Variants in RIMS2 observed in about 807,000 individuals in gnomAD.
The protein encoded by RIMS2 is regulating synaptic membrane exocytosis protein 2.
Under a neutral mutation model 174.4 loss-of-function variants are expected in RIMS2, and 59 were observed. The ratio of observed to expected loss-of-function variants is 0.34; its 90% CI spans 0.27 to 0.42. RIMS2 has a LOEUF of 0.42. Among genes scored for constraint, RIMS2 ranks in the 10% least tolerant of loss-of-function variants. The pLI, the probability that RIMS2 is intolerant of heterozygous loss-of-function variation, is 1.00. For missense variants in RIMS2, 1,620 were observed against 1,666.3 expected (o/e 0.97, Z 0.48); for synonymous variants, 606 against 572.5 (o/e 1.06, Z -0.84).
At chr8:103,774,889 G>A (rs2098296183) in intron 3 of RIMS2, among the ~76,000 whole-genome samples, 1 of 152,078 alleles carries the variant, frequency 6.6e-6, no homozygotes, top group African/African-American at 2.4e-5. Flanking sequence ...TTAACTGCAT[G>A]TAAATTATAT....
intron 2 of RIMS2, among the ~76,000 whole-genome samples, chr8:103,724,437 A>G (rs964610482): frequency 6.6e-6 from 1 of 152,130 alleles, no homozygotes; most frequent in Non-Finnish European, 1.5e-5. Flanking sequence ...TGCTGGAAAT[A>G]TTTCAGGTTT....
chr8:104,082,871 T>C (rs929588286), intron 19 of RIMS2, among the ~76,000 whole-genome samples: 9 of 152,082 alleles, frequency 5.9e-5, no homozygotes, highest in Admixed American at 5.2e-4. Flanking sequence ...TTTGAGGAAG[T>C]TGCTGACATG....
chr8:103,804,864 A>C (rs2098639688), intron 3 of RIMS2, among the ~76,000 whole-genome samples: 1 of 151,906 alleles, frequency 6.6e-6, no homozygotes, highest in Non-Finnish European at 1.5e-5. Context: ...AGGTACAGTC[A>C]TAGATCACTG....
intron 14 of RIMS2, among the ~76,000 whole-genome samples, chr8:103,953,057 A>G (rs1441725019): frequency 6.6e-6 from 1 of 152,150 alleles, no homozygotes; most frequent in East Asian, 1.9e-4. Flanking sequence ...GATTAAAGGA[A>G]AAAGAGTGAA....
intron 19 of RIMS2, among the ~76,000 whole-genome samples, chr8:104,167,975 T>C (rs1045266594): frequency 1.3e-5 from 2 of 152,186 alleles, no homozygotes; most frequent in Admixed American, 6.5e-5. Flanking sequence ...TAGTTGGCTA[T>C]AAGTATTTGG....
At chr8:103,878,978 T>C (rs755939755) in intron 3 of RIMS2, among the ~76,000 whole-genome samples, 8 of 151,620 alleles carry the variant, frequency 5.3e-5, no homozygotes, top group Non-Finnish European at 1.2e-4. Context: ...ACCTTTTAGA[T>C]CCCAATTTGG....
chr8:103,686,717 C>G (rs993716158), intron 1 of RIMS2, among the ~76,000 whole-genome samples: 1 of 152,030 alleles, frequency 6.6e-6, no homozygotes, highest in Non-Finnish European at 1.5e-5. Flanking sequence ...ATTTTTACAT[C>G]TGCTTATGAG....
chr8:103,568,862 T>C, intron 1 of RIMS2: 1 of 1,158,106 alleles, frequency 8.6e-7, no homozygotes. Flanking sequence ...CTTTGTTAAT[T>C]GCTGTCTGAA....
intron 19 of RIMS2, among the ~76,000 whole-genome samples, chr8:104,199,218 C>G (rs1384359184): frequency 6.6e-6 from 1 of 152,022 alleles, no homozygotes; most frequent in Non-Finnish European, 1.5e-5. Flanking sequence ...CCCGCCACCA[C>G]GCCCGGCTAA....
intron 19 of RIMS2, chr8:104,068,549 A>T (rs768669348): frequency 1.3e-6 from 2 of 1,570,674 alleles, no homozygotes; most frequent in Admixed American, 3.5e-5. Flanking sequence ...GCCAAATGAA[A>T]ATTAACAAAT....
chr8:104,099,861 G>T (rs922466068), intron 19 of RIMS2, among the ~76,000 whole-genome samples: 8 of 150,562 alleles, frequency 5.3e-5, no homozygotes, highest in Admixed American at 2.7e-4. Context: ...GTGTTGCCCA[G>T]GCTGGAGTAC....
At chr8:103,752,983 T>G (rs112678936) in intron 2 of RIMS2, among the ~76,000 whole-genome samples, 1 of 151,578 alleles carries the variant, frequency 6.6e-6, no homozygotes, top group Admixed American at 6.6e-5. Flanking sequence ...TGAATAGGAG[T>G]GGTGAGAGAG....
At chr8:103,918,143 A>AT (rs1451542918) in intron 8 of RIMS2, among the ~76,000 whole-genome samples, 5 of 152,262 alleles carry the variant, frequency 3.3e-5, no homozygotes, top group South Asian at 2.1e-4. Flanking sequence ...TTGAATGCAA[A>AT]TTTTTTATAA....
intron 19 of RIMS2, among the ~76,000 whole-genome samples, chr8:104,155,103 TTTTTG>T (rs1156914407): frequency 6.6e-6 from 1 of 151,940 alleles, no homozygotes; most frequent in African/African-American, 2.4e-5. Context: ...TTTTTTGTTG[TTTTTG>T]TTTTGTTTTG....
intron 19 of RIMS2, among the ~76,000 whole-genome samples, chr8:104,229,900 T>C (rs2099214915): frequency 6.6e-6 from 1 of 152,188 alleles, no homozygotes; most frequent in Non-Finnish European, 1.5e-5. Flanking sequence ...AGGGAAGTGG[T>C]TATTGTGAGC....
At chr8:103,795,458 A>G (rs1360315185) in intron 3 of RIMS2, among the ~76,000 whole-genome samples, 1 of 152,056 alleles carries the variant, frequency 6.6e-6, no homozygotes, top group Non-Finnish European at 1.5e-5. Flanking sequence ...CGGGAGGGAT[A>G]GCATTAGGAC....
At chr8:103,790,781 T>G (rs1244762786) in intron 3 of RIMS2, among the ~76,000 whole-genome samples, 1 of 152,232 alleles carries the variant, frequency 6.6e-6, no homozygotes, top group East Asian at 1.9e-4. Flanking sequence ...TCTTCTTCAC[T>G]AAGATTAATA....
At chr8:103,680,601 G>A (rs1365978093) in intron 1 of RIMS2, among the ~76,000 whole-genome samples, 1 of 151,940 alleles carries the variant, frequency 6.6e-6, no homozygotes, top group Non-Finnish European at 1.5e-5. Context: ...CAGACTGAGA[G>A]AAGAAATGTC....
intron 1 of RIMS2, among the ~76,000 whole-genome samples, chr8:103,590,483 T>A (rs1284174948): frequency 3.3e-5 from 5 of 151,314 alleles, no homozygotes; most frequent in Non-Finnish European, 7.4e-5. Context: ...TGCACATCCT[T>A]ACATGTCAGA....
Sources: allele counts gnomAD v4.1 joint callset (sites outside exome capture counted in the v4.1 genomes callset), GRCh38; gene constraint gnomAD v4.1.1; transcripts MANE v1.5; gene names NCBI Gene and HGNC (gene_info 2026-07-23, HGNC 2026-07-21).